Variants in MAPKAP1 observed in about 807,000 individuals in gnomAD.
MAPKAP1 encodes the protein target of rapamycin complex 2 subunit MAPKAP1.
A neutral mutation model predicts 65.7 loss-of-function variants in MAPKAP1; 20 were observed. The observed-to-expected ratio is 0.30, with a 90% CI of 0.21 to 0.44. The LOEUF is 0.44. Ranked by LOEUF, MAPKAP1 falls within the 20% of genes least tolerant of loss-of-function variation. MAPKAP1 has a pLI of 1.00. For missense variants in MAPKAP1, 423 were observed against 648.0 expected (o/e 0.65, Z 3.77); for synonymous variants, 222 against 244.3 (o/e 0.91, Z 0.85).
chr9:125,456,368 G>C (rs1853162039), intron 10 of MAPKAP1, among the ~76,000 whole-genome samples: 1 of 152,012 alleles, frequency 6.6e-6, no homozygotes, highest in African/African-American at 2.4e-5. Flanking sequence ...GACTCCAAAG[G>C]CTCTAATCTC....
chr9:125,570,770 A>C (rs1831204739), intron 5 of MAPKAP1, among the ~76,000 whole-genome samples: 1 of 152,226 alleles, frequency 6.6e-6, no homozygotes, highest in Non-Finnish European at 1.5e-5. Flanking sequence ...GGTTTAAACA[A>C]GTTGTGAAAG....
chr9:125,463,095 G>T (rs1210593590), intron 10 of MAPKAP1, among the ~76,000 whole-genome samples: 1 of 152,184 alleles, frequency 6.6e-6, no homozygotes, highest in Non-Finnish European at 1.5e-5. Context: ...TAATCTTCTT[G>T]CCATCTTCTT....
At chr9:125,581,835 A>C (rs746423114) in intron 5 of MAPKAP1, among the ~76,000 whole-genome samples, 2 of 151,842 alleles carry the variant, frequency 1.3e-5, no homozygotes, top group Non-Finnish European at 2.9e-5. Flanking sequence ...GTCCAGGACC[A>C]TTTGTTTAAA....
intron 4 of MAPKAP1, among the ~76,000 whole-genome samples, chr9:125,617,657 G>A (rs1308528548): frequency 1.3e-5 from 2 of 152,166 alleles, no homozygotes; most frequent in Non-Finnish European, 2.9e-5. Context: ...ATCAATATGG[G>A]TGAATCTATG....
chr9:125,689,448 A>C (rs944553030), intron 1 of MAPKAP1, among the ~76,000 whole-genome samples: 3 of 143,900 alleles, frequency 2.1e-5, no homozygotes, highest in East Asian at 2.0e-4. Context: ...AAAAAAAAAA[A>C]AAAAAAAAAA....
chr9:125,616,868 A>T (rs1235459148), intron 4 of MAPKAP1, among the ~76,000 whole-genome samples: 1 of 152,232 alleles, frequency 6.6e-6, no homozygotes, highest in African/African-American at 2.4e-5. Context: ...CTAGGAAATC[A>T]ATTTAGCCAA....
intron 4 of MAPKAP1, among the ~76,000 whole-genome samples, chr9:125,622,309 T>C (rs953850020): frequency 2.0e-5 from 3 of 152,220 alleles, no homozygotes; most frequent in Admixed American, 6.5e-5. Flanking sequence ...AAAAGGATTA[T>C]GAATGTTCAG....
chr9:125,483,108 CATAG>C (rs1250074326), intron 9 of MAPKAP1, among the ~76,000 whole-genome samples: 1 of 152,180 alleles, frequency 6.6e-6, no homozygotes, highest in Non-Finnish European at 1.5e-5. Flanking sequence ...ACAGCTCTCA[CATAG>C]GGAAGTTTAC....
In MAPKAP1 at chr9:125,543,442, A is replaced by ATT. The variant is rs751120452; in HGVS notation, c.849-276_849-275dup. 4.1e-3 allele frequency among the ~76,000 whole-genome samples: 557 copies of ATT among 134,560 alleles called. 7 individuals carry two copies. Among genetic ancestry groups the ATT allele is most frequent in the African/African-American group, 0.014 (519 of 36,496 alleles). The allele number at this position is 134,560 out of a possible 152,430, so 88.3% of individuals were successfully genotyped here. ...CCACTACATCCGGCTAATTTTTTGT[A>ATT]TTTTTTTTTTTTTTTAGTAGAGACA... On this transcript the variant is annotated intron_variant, in intron 6 of 11. Transcript: ENST00000265960.
chr9:125,647,620 G>A (rs1833766119), intron 4 of MAPKAP1, among the ~76,000 whole-genome samples: 1 of 152,200 alleles, frequency 6.6e-6, no homozygotes, highest in Non-Finnish European at 1.5e-5. Context: ...ACAGTCCTCA[G>A]CACTGGGCAC....
At chr9:125,563,625 A>C (rs1267045961) in intron 5 of MAPKAP1, among the ~76,000 whole-genome samples, 1 of 152,238 alleles carries the variant, frequency 6.6e-6, no homozygotes, top group African/African-American at 2.4e-5. Flanking sequence ...GGCATTTAGA[A>C]GGTACTTAAC....
At chr9:125,671,679 A>G (rs1834501746) in intron 2 of MAPKAP1, among the ~76,000 whole-genome samples, 1 of 152,210 alleles carries the variant, frequency 6.6e-6, no homozygotes. Context: ...AAGCTTTTAA[A>G]GCTAATGACT....
intron 8 of MAPKAP1, among the ~76,000 whole-genome samples, chr9:125,491,046 G>A (rs1854692387): frequency 6.6e-6 from 1 of 151,516 alleles, no homozygotes; most frequent in South Asian, 2.1e-4. Context: ...GCTGAGGCAG[G>A]AGAATCGCTT....
chr9:125,457,651 T>C (rs1055387184), intron 10 of MAPKAP1, among the ~76,000 whole-genome samples: 5 of 152,246 alleles, frequency 3.3e-5, no homozygotes, highest in Non-Finnish European at 7.3e-5. Context: ...GTGGATCAGT[T>C]TGATCCTTTC....
In MAPKAP1 at chr9:125,651,659, C is replaced by T. The variant is rs555101915; in HGVS notation, c.498+5992G>A. Among the ~76,000 whole-genome samples the T allele has an allele frequency of 6.3e-4, 96 of 152,222 alleles. 1 individual carries two copies. The South Asian group carries it at 0.02, about 31-fold the overall frequency. On this transcript the variant is annotated intron_variant, in intron 4 of 11. Transcript: ENST00000265960. ...AAATGAAGCCACTGAACAACTGAGA[C>T]GAACAGCTCCTAATTCAAAATATAG...
chr9:125,629,054 AACACACACACAC>A (rs71374284), intron 4 of MAPKAP1, among the ~76,000 whole-genome samples: 15 of 147,488 alleles, frequency 1.0e-4, no homozygotes, highest in East Asian at 4.0e-4. Context: ...TCACTGTCAA[AACACACACACAC>A]ACACACACAC....
At chr9:125,484,699 A>C (rs900578236) in intron 8 of MAPKAP1, 116 bp from the exon 9 acceptor site, 8 of 1,017,642 alleles carry the variant, frequency 7.9e-6, no homozygotes, top group Non-Finnish European at 1.1e-5. Flanking sequence ...TTGGAGAAGA[A>C]AAGGCTGAGC....
chr9:125,472,111 C>G (rs888819355), intron 9 of MAPKAP1, among the ~76,000 whole-genome samples: 5 of 152,218 alleles, frequency 3.3e-5, no homozygotes, highest in African/African-American at 1.2e-4. Context: ...AATTTGAACT[C>G]AGGAAGTCTG....
rs544111226 is a variant in MAPKAP1, at chr9:125,698,349, T to A, written c.-70+8622A>T. 7.2e-3 allele frequency among the ~76,000 whole-genome samples: 963 copies of A among 134,610 alleles called. 15 individuals carry two copies. Among genetic ancestry groups the A allele is most frequent in the Non-Finnish European group, 0.012 (772 of 63,982 alleles). 88.3% of individuals were successfully genotyped at this position (134,610 alleles called of 152,430 possible). A position where few individuals can be genotyped will look rare whatever the true frequency, so the allele number is the denominator to read the frequency against. On this transcript the variant is annotated intron_variant, in intron 1 of 11. Transcript: ENST00000265960. ...TATATATATATATAAAATATATATA[T>A]TTTTTGAGATGGAGTTTCACTCTTG...
Sources: gnomAD v4.1 joint callset for allele counts (sites outside exome capture counted in the v4.1 genomes callset) on GRCh38, gnomAD v4.1.1 for gene constraint, MANE v1.5 for transcripts, NCBI Gene and HGNC (gene_info 2026-07-23, HGNC 2026-07-21) for gene names.